PAFAH2: variants seen among roughly 807,000 people sequenced by gnomAD.
The protein encoded by PAFAH2 is platelet activating factor acetylhydrolase 2.
Under a neutral mutation model 49.0 loss-of-function variants are expected in PAFAH2, and 42 were observed. The ratio of observed to expected loss-of-function variants is 0.86; its 90% confidence interval spans 0.67 to 1.11. The LOEUF is 1.11. Among genes scored for constraint, PAFAH2 ranks in the 50% least tolerant of loss-of-function variants. The pLI is 0.00. For missense variants in PAFAH2, 503 were observed against 501.8 expected (o/e 1.00, Z -0.02); for synonymous variants, 184 against 181.3 (o/e 1.01, Z -0.12).
At chr1:25,980,001 A>G (rs1310011891) in intron 7 of PAFAH2, among the ~76,000 whole-genome samples, 1 of 152,128 alleles carries the variant, frequency 6.6e-6, no homozygotes, top group Non-Finnish European at 1.5e-5. Flanking sequence ...TGATACAAAC[A>G]CTGTAGTTGG....
At chr1:25,981,494 C>G (rs1217825414) in intron 7 of PAFAH2, among the ~76,000 whole-genome samples, 1 of 152,132 alleles carries the variant, frequency 6.6e-6, no homozygotes, top group Non-Finnish European at 1.5e-5. Flanking sequence ...AGGACTGAGC[C>G]TGCAGTGGAC....
intron 10 of PAFAH2, among the ~76,000 whole-genome samples, chr1:25,962,899 T>C (rs977676216): frequency 6.6e-6 from 1 of 151,614 alleles, no homozygotes; most frequent in South Asian, 2.1e-4. Context: ...AAGCAGTATC[T>C]GACAGCTCAG....
chr1:25,966,893 C>G (rs2992060), intron 10 of PAFAH2, among the ~76,000 whole-genome samples: 145,754 of 152,048 alleles, frequency 0.96, 70,181 homozygotes, highest in East Asian at 1. Context: ...TTAGTCGGGC[C>G]TGGTGGTGGG....
intron 4 of PAFAH2, among the ~76,000 whole-genome samples, chr1:25,985,159 C>T (rs1038342498): frequency 7.9e-5 from 12 of 152,194 alleles, no homozygotes; most frequent in African/African-American, 2.6e-4. Context: ...ACCCAGCCAG[C>T]CAGAGAGATT....
At chr1:25,962,175 G>A in intron 10 of PAFAH2, 92 bp from the exon 11 acceptor site, 2 of 1,009,604 alleles carry the variant, frequency 2.0e-6, no homozygotes, top group Non-Finnish European at 3.0e-6. Flanking sequence ...ATCCTAGAGA[G>A]AGGAGCGCCT....
chr1:25,966,944 A>AT (rs762596500), intron 10 of PAFAH2, among the ~76,000 whole-genome samples: 9 of 148,688 alleles, frequency 6.1e-5, no homozygotes, highest in Non-Finnish European at 1.0e-4. Flanking sequence ...AGGCAGGAGA[A>AT]TGGCGTGAAC....
Position 25,988,272 on chromosome 1 carries a change from T to C in PAFAH2, c.300A>G (p.Gly100=), listed in dbSNP as rs2049815237. Residue 100 remains glycine, a synonymous_variant, in exon 4 of 11, where the codon GGA becomes GGG. Coordinates refer to ENST00000374282, the MANE Select transcript of PAFAH2 (RefSeq NM_000437.4). ...WNGPFKTKDS[G]YPLIIFSHGL... ...CATGGGAGAAGATGATCAAGGGGTA[T>C]CCAGAGTCCTTTGTCTTAAAGGGGC... The C allele has an allele frequency of 6.2e-7, 1 of 1,609,912 alleles. No individual in the cohort carries two copies.
intron 7 of PAFAH2, among the ~76,000 whole-genome samples, chr1:25,979,166 C>G (rs1294133625): frequency 6.6e-6 from 1 of 152,214 alleles, no homozygotes; most frequent in Non-Finnish European, 1.5e-5. Flanking sequence ...TACTTCCCCA[C>G]AACTTTGTTA....
At chr1:25,988,744 A>T (rs2049824639) in intron 3 of PAFAH2, among the ~76,000 whole-genome samples, 1 of 129,674 alleles carries the variant, frequency 7.7e-6, no homozygotes, top group Admixed American at 9.7e-5. Flanking sequence ...CGAAGGTTGC[A>T]GTGAGCTGAG....
In PAFAH2 at chr1:25,983,570, A is replaced by C. The variant is rs937921313; in HGVS notation, c.552+376T>G. Among the ~76,000 whole-genome samples, 7 of 151,942 alleles carry C rather than the reference A, an allele frequency of 4.6e-5. No individual in the cohort carries two copies. The East Asian group carries it at 5.8e-4, about 13-fold the overall frequency. ...AGATCCTGTCTCAAAAACAAAAAAA[A>C]AAACAACTTATGGTTCTAACCTTGG... is the stretch of plus-strand genomic sequence containing the variant. On this transcript the variant is annotated intron_variant, in intron 6 of 10. Coordinates refer to ENST00000374282, the MANE Select transcript of PAFAH2 (RefSeq NM_000437.4).
At chr1:25,966,523 G>A (rs898328589) in intron 10 of PAFAH2, among the ~76,000 whole-genome samples, 5 of 152,070 alleles carry the variant, frequency 3.3e-5, no homozygotes, top group Non-Finnish European at 5.9e-5. Context: ...GTCAAATACC[G>A]AATGCTGTAC....
intron 6 of PAFAH2, among the ~76,000 whole-genome samples, chr1:25,982,915 CTAACAA>C (rs2049712737): frequency 6.6e-6 from 1 of 152,172 alleles, no homozygotes; most frequent in African/African-American, 2.4e-5. Flanking sequence ...CACTCCCATT[CTAACAA>C]TGTATTTCTG....
intron 10 of PAFAH2, among the ~76,000 whole-genome samples, chr1:25,965,075 T>C (rs1239417568): frequency 1.3e-5 from 2 of 151,932 alleles, no homozygotes; most frequent in Non-Finnish European, 2.9e-5. Flanking sequence ...AATAGATAAA[T>C]GAAACAGAAT....
intron 4 of PAFAH2, among the ~76,000 whole-genome samples, chr1:25,987,414 G>T (rs1376606206): frequency 6.6e-6 from 1 of 151,922 alleles, no homozygotes; most frequent in Non-Finnish European, 1.5e-5. Context: ...TGAACAGACA[G>T]AGAGAACATT....
At chr1:25,989,866 A>C (rs533932869) in intron 2 of PAFAH2, among the ~76,000 whole-genome samples, 1 of 152,354 alleles carries the variant, frequency 6.6e-6, no homozygotes, top group South Asian at 2.1e-4. Flanking sequence ...AAAATATTTG[A>C]GTGCTTGGGA....
intron 10 of PAFAH2, among the ~76,000 whole-genome samples, chr1:25,971,088 T>A (rs1352126375): frequency 3.3e-5 from 5 of 152,134 alleles, no homozygotes; most frequent in African/African-American, 4.8e-5. Context: ...GAGGCTTCTA[T>A]GGGTAGCTCT....
chr1:25,964,876 T>G (rs892491668), intron 10 of PAFAH2, among the ~76,000 whole-genome samples: 1 of 152,186 alleles, frequency 6.6e-6, no homozygotes, highest in Non-Finnish European at 1.5e-5. Flanking sequence ...CAATTCCTAT[T>G]AAACTACCAA....
At chr1:25,997,881 G>A (rs899009431) in intron 1 of PAFAH2, 144 bp downstream of exon 1, 36 of 152,448 alleles carry the variant, frequency 2.4e-4, no homozygotes, top group African/African-American at 8.7e-4. Flanking sequence ...GGTGGCTACA[G>A]GTGTCTGAAT....
chr1:25,962,739 T>G (rs534246374), intron 10 of PAFAH2, among the ~76,000 whole-genome samples: 108 of 151,596 alleles, frequency 7.1e-4, no homozygotes, highest in Non-Finnish European at 1.0e-3. Context: ...ACTGGAGGAT[T>G]GCTTGAGGCA....
Sources: gnomAD v4.1 joint callset for allele counts (sites outside exome capture counted in the v4.1 genomes callset) on GRCh38, gnomAD v4.1.1 for gene constraint, MANE v1.5 for transcripts, NCBI Gene and HGNC (gene_info 2026-07-23, HGNC 2026-07-21) for gene names.